The following AGBL4 variants were observed in gnomAD, a reference collection of about 807,000 sequenced individuals.
AGBL4 encodes the protein AGBL carboxypeptidase 4.
Under a neutral mutation model 66.4 loss-of-function variants are expected in AGBL4, and 58 were observed. That is an observed-to-expected ratio of 0.87 (90% CI 0.71 to 1.09). The LOEUF is 1.09. Ranked by LOEUF, AGBL4 falls within the 50% of genes least tolerant of loss-of-function variation. The pLI is 0.00. For synonymous variants in AGBL4, 234 were observed against 222.9 expected, an observed-to-expected ratio of 1.05 and a Z score of -0.44; for missense variants, 579 against 631.0, an observed-to-expected ratio of 0.92 and a Z score of 0.88.
At chr1:49,493,836 T>A (rs541092270) in intron 3 of AGBL4, among the ~76,000 whole-genome samples, 1 of 152,138 alleles carries the variant, frequency 6.6e-6, no homozygotes, top group South Asian at 2.1e-4. Context: ...AGTAAGTAAA[T>A]AGAGTTTATT....
intron 11 of AGBL4, among the ~76,000 whole-genome samples, chr1:48,579,671 G>A (rs899000695): frequency 1.3e-5 from 2 of 150,594 alleles, no homozygotes; most frequent in Admixed American, 6.6e-5. Flanking sequence ...AGCACTTTGG[G>A]AGGCTGAGGC....
intron 5 of AGBL4, among the ~76,000 whole-genome samples, chr1:49,002,127 C>G (rs1290692072): frequency 6.6e-6 from 1 of 152,130 alleles, no homozygotes; most frequent in Non-Finnish European, 1.5e-5. Context: ...GACATGGTAA[C>G]AATCATGGAA....
At chr1:49,049,024 T>G (rs781430035) in intron 4 of AGBL4, among the ~76,000 whole-genome samples, 2 of 152,104 alleles carry the variant, frequency 1.3e-5, no homozygotes, top group Non-Finnish European at 2.9e-5. Flanking sequence ...CAACTTCCTA[T>G]CCTCACATTT....
intron 11 of AGBL4, among the ~76,000 whole-genome samples, chr1:48,544,881 C>A (rs963577369): frequency 4.6e-5 from 7 of 152,164 alleles, no homozygotes; most frequent in African/African-American, 1.7e-4. Context: ...AAATTTCTGA[C>A]CCACAGAGAA....
intron 5 of AGBL4, among the ~76,000 whole-genome samples, chr1:48,888,636 C>G (rs1213905426): frequency 1.3e-5 from 2 of 152,138 alleles, no homozygotes; most frequent in African/African-American, 4.8e-5. Context: ...GCAGCCATGC[C>G]TCCTGTACAG....
At chr1:49,312,717 A>G (rs1644963412) in intron 3 of AGBL4, among the ~76,000 whole-genome samples, 3 of 152,208 alleles carry the variant, frequency 2.0e-5, no homozygotes, top group South Asian at 4.1e-4. Context: ...AAAACACACA[A>G]AAAGATACTC....
intron 11 of AGBL4, among the ~76,000 whole-genome samples, chr1:48,581,405 C>T (rs1644738047): frequency 6.6e-6 from 1 of 152,162 alleles, no homozygotes; most frequent in African/African-American, 2.4e-5. Flanking sequence ...GGGTGGAAAC[C>T]AGTCTGCTCA....
At chr1:49,793,317 G>C (rs893233410) in intron 2 of AGBL4, among the ~76,000 whole-genome samples, 2 of 151,962 alleles carry the variant, frequency 1.3e-5, no homozygotes, top group East Asian at 3.9e-4. Flanking sequence ...GAATAGCATA[G>C]TGGGTGCTCT....
intron 4 of AGBL4, among the ~76,000 whole-genome samples, chr1:49,157,455 C>T (rs1569865835): frequency 6.6e-6 from 1 of 152,132 alleles, no homozygotes. Flanking sequence ...TGGATATGGG[C>T]CACATTTTCT....
In AGBL4 at chr1:48,946,694, C is replaced by T. The variant is rs370720287; in HGVS notation, c.595-79464G>A. Among the ~76,000 whole-genome samples, 4 of 152,194 alleles carry T rather than the reference C, an allele frequency of 2.6e-5. No homozygotes were observed. In the East Asian group the frequency reaches 5.8e-4, roughly 22 times the overall value. On this transcript the variant is annotated intron_variant, in intron 5 of 13. Coordinates refer to ENST00000371839, the MANE Select transcript of AGBL4 (RefSeq NM_032785.4). Reference sequence around the variant, plus strand: ...ACACTGGGGACACAAAGATAAATGACACTCATTCTGTCCATGAGGACTCAT... The same window carrying T: ...ACACTGGGGACACAAAGATAAATGATACTCATTCTGTCCATGAGGACTCAT...
At chr1:49,268,293 A>G (rs1246483244) in intron 3 of AGBL4, 2 of 152,122 alleles carry the variant, frequency 1.3e-5, no homozygotes, top group Non-Finnish European at 2.9e-5. Context: ...TGGGCTATTC[A>G]TCAGGCACAG....
At chr1:49,201,693 T>C (rs543617551) in intron 4 of AGBL4, among the ~76,000 whole-genome samples, 25 of 152,330 alleles carry the variant, frequency 1.6e-4, no homozygotes, top group African/African-American at 5.1e-4. Context: ...TACAGCTTTG[T>C]TACCAAATAA....
chr1:49,807,631 T>C (rs969288725), intron 2 of AGBL4, among the ~76,000 whole-genome samples: 9 of 152,214 alleles, frequency 5.9e-5, no homozygotes, highest in Non-Finnish European at 1.3e-4. Context: ...ATGCTGGAAA[T>C]AGTAAACACT....
intron 6 of AGBL4, among the ~76,000 whole-genome samples, chr1:48,704,311 T>C (rs911132338): frequency 4.6e-5 from 7 of 152,248 alleles, no homozygotes; most frequent in African/African-American, 1.7e-4. Flanking sequence ...TGAACATTAC[T>C]GTGCACGAGT....
At position 48,653,362 on chromosome 1, in the gene AGBL4, C is replaced by A; in HGVS notation, c.814G>T (p.Asp272Tyr). 6.3e-7 allele frequency: 1 copy of A among 1,582,684 alleles called. No homozygotes were observed. The highest frequency in any genetic ancestry group is 8.6e-7 in the Non-Finnish European group (1 of 1,163,486). The change falls in exon 8 of 14, where the codon GAT (aspartate) becomes TAT (tyrosine). Residue 272 changes from aspartate to tyrosine, a missense_variant. Transcript: ENST00000371839. ...CTGTAATTGCCCAGGTAGACTCCAT[C>A]AGGATTGAGCATTGGTGCGATCTTG... is the stretch of plus-strand genomic sequence containing the variant. ...VFKIAPMLNP[D>Y]GVYLGNYRCS...
chr1:48,961,113 A>ATG (rs1557504255), intron 5 of AGBL4, among the ~76,000 whole-genome samples: 1 of 138,674 alleles, frequency 7.2e-6, no homozygotes, highest in Non-Finnish European at 1.5e-5. Flanking sequence ...GTGTGCGTGT[A>ATG]TGTGTGTGTA....
chr1:49,504,582 C>A (rs1387767409), intron 3 of AGBL4, among the ~76,000 whole-genome samples: 5 of 152,022 alleles, frequency 3.3e-5, no homozygotes, highest in African/African-American at 1.2e-4. Flanking sequence ...ACCCCTCTCT[C>A]ATTACATAAT....
At chr1:48,801,325 G>T (rs949336182) in intron 6 of AGBL4, among the ~76,000 whole-genome samples, 1 of 152,156 alleles carries the variant, frequency 6.6e-6, no homozygotes, top group African/African-American at 2.4e-5. Flanking sequence ...TCCTGCACTT[G>T]TATCTACAGC....
intron 1 of AGBL4, among the ~76,000 whole-genome samples, chr1:49,917,577 C>A (rs961969380): frequency 3.3e-5 from 5 of 152,176 alleles, no homozygotes; most frequent in African/African-American, 1.2e-4. Flanking sequence ...CACCAAGATT[C>A]ATAAAGCAAG....
Sources: allele counts gnomAD v4.1 joint callset (sites outside exome capture counted in the v4.1 genomes callset), GRCh38; gene constraint gnomAD v4.1.1; transcripts MANE v1.5; gene names NCBI Gene and HGNC (gene_info 2026-07-23, HGNC 2026-07-21).